The following KANSL1 variants were observed in gnomAD, a reference collection of about 807,000 sequenced individuals.
The protein encoded by KANSL1 is KAT8 regulatory NSL complex subunit 1.
A neutral mutation model predicts 103.6 loss-of-function variants in KANSL1; 22 were observed. That is an observed-to-expected ratio of 0.21 (90% CI 0.15 to 0.30). The LOEUF is 0.30. Ranked by LOEUF, KANSL1 falls within the 10% of genes least tolerant of loss-of-function variation. The probability of loss-of-function intolerance (pLI) is 1.00; values close to 1 mark genes in which losing one functional copy is unlikely to be tolerated. For synonymous variants in KANSL1, 600 were observed against 527.6 expected (o/e 1.14, Z -1.88); for missense variants, 1,337 against 1,399.8 (o/e 0.96, Z 0.72).
rs370357925 is a variant in KANSL1 at position 46,087,709 on chromosome 17, T to C, written c.1432-5167A>G. Among the ~76,000 whole-genome samples the C allele has an allele frequency of 1.1e-4, 16 of 152,268 alleles. No individual in the cohort carries two copies. The East Asian group carries it at 2.1e-3, about 20-fold the overall frequency. ...TAATTACTTAACATTCCCCAAAATA[T>C]ATTTAATATATTTTGAGCTATACTT... is the stretch of plus-strand genomic sequence containing the variant. On this transcript the variant is annotated intron_variant, in intron 3 of 14. Transcript: ENST00000432791.
chr17:46,196,368 G>T, upstream of KANSL1: 1 of 456,348 alleles, frequency 2.2e-6, no homozygotes, highest in Non-Finnish European at 4.4e-6. Flanking sequence ...GATTGGTTAG[G>T]AATGGCCATG....
chr17:46,129,450 G>A (rs914862913), intron 2 of KANSL1, among the ~76,000 whole-genome samples: 1 of 152,210 alleles, frequency 6.6e-6, no homozygotes, highest in African/African-American at 2.4e-5. Context: ...ATAAATCACA[G>A]TATCTCAGCA....
intron 2 of KANSL1, chr17:46,156,737 G>GA (rs1457593054): frequency 1.3e-5 from 2 of 152,440 alleles, no homozygotes; most frequent in Non-Finnish European, 2.9e-5. Flanking sequence ...TCTTTTACTT[G>GA]AAAGTGGAGG....
At position 46,193,356 on chromosome 17, in the gene KANSL1, T is replaced by TGGC. The variant is rs778768994; in HGVS notation, c.-626_-624dup. The TGGC allele has an allele frequency of 1.9e-5, 3 of 156,918 alleles. No individual in the cohort carries two copies. Among genetic ancestry groups the TGGC allele is most frequent in the South Asian group, 2.0e-4 (1 of 5,050 alleles). The allele number at this position is 156,918 out of a possible 1,614,324, so 9.7% of individuals were successfully genotyped here. A position where few individuals can be genotyped will look rare whatever the true frequency, so the allele number is the denominator to read the frequency against. On this transcript the variant is annotated 5_prime_UTR_variant, in exon 1 of 15. Coordinates refer to ENST00000432791, the MANE Select transcript of KANSL1 (RefSeq NM_015443.4). ...CCGGCTCGGCGAGCGGTGGCGGCGG[T>TGGC]GGCGGCGGCACTGGGAAAATGGCGG...
chr17:46,114,335 G>A (rs144442307), intron 2 of KANSL1, among the ~76,000 whole-genome samples: 1,950 of 151,766 alleles, frequency 0.013, 9 homozygotes, highest in Middle Eastern at 0.031. Flanking sequence ...CTCCAGCCTG[G>A]GCAACAGCGA....
chr17:46,224,018 G>T (rs1439579473), upstream of KANSL1, among the ~76,000 whole-genome samples: 1 of 151,710 alleles, frequency 6.6e-6, no homozygotes, highest in Non-Finnish European at 1.5e-5. Context: ...TATGTAACAC[G>T]TATTTTAGAT....
chr17:46,064,158 G>T (rs895007196), intron 6 of KANSL1, among the ~76,000 whole-genome samples: 1 of 151,536 alleles, frequency 6.6e-6, no homozygotes, highest in African/African-American at 2.4e-5. Flanking sequence ...GATATTTCAG[G>T]TAGAGTCCGA....
intron 2 of KANSL1, among the ~76,000 whole-genome samples, chr17:46,108,478 C>T (rs2042664229): frequency 6.6e-6 from 1 of 152,208 alleles, no homozygotes; most frequent in Non-Finnish European, 1.5e-5. Flanking sequence ...CGCTTCCTGG[C>T]TTTATTAATA....
chr17:46,085,256 T>A (rs1319905181), intron 3 of KANSL1, among the ~76,000 whole-genome samples: 1 of 152,228 alleles, frequency 6.6e-6, no homozygotes, highest in South Asian at 2.1e-4. Flanking sequence ...TCTTTATTTA[T>A]ACTCATTTTT....
Position 46,207,240 on chromosome 17 carries a change from G to A in KANSL1, c.-90+16431C>T, listed in dbSNP as rs148094109. On this transcript the variant is annotated intron_variant, in intron 1 of 14. Coordinates refer to the KANSL1 transcript ENST00000572904. ...CAGAAACTATGATTGGGCCGGGTGC[G>A]GTGGCTCACGCCTGTAATCCTAGCA... 3.4e-4 allele frequency among the ~76,000 whole-genome samples: 52 copies of A among 152,302 alleles called. No homozygotes were observed. The East Asian group carries it at 7.7e-3, about 23-fold the overall frequency.
chr17:46,178,727 T>TG lies in KANSL1; in HGVS notation c.-89-6496dup, dbSNP rs528888582. 1.1e-4 allele frequency among the ~76,000 whole-genome samples: 16 copies of TG among 152,374 alleles called. No homozygotes were observed. The South Asian group carries it at 3.1e-3, about 30-fold the overall frequency. ...ATACATTTCGGAAAAACTTCCCAGATGGAGACTCACAACGTATTGCATCAT... is the reference window on the plus strand; with the variant it reads ...ATACATTTCGGAAAAACTTCCCAGATGGGAGACTCACAACGTATTGCATCAT... On this transcript the variant is annotated intron_variant, in intron 1 of 14. Coordinates refer to ENST00000432791, the MANE Select transcript of KANSL1 (RefSeq NM_015443.4).
intron 3 of KANSL1, among the ~76,000 whole-genome samples, chr17:46,087,650 T>C (rs188069575): frequency 3.0e-3 from 463 of 152,286 alleles, no homozygotes; most frequent in Non-Finnish European, 4.2e-3. Context: ...CTGAAGAGAC[T>C]GATGAAAGTG....
chr17:46,036,541 G>A, intron 10 of KANSL1, among the ~76,000 whole-genome samples: 1 of 152,120 alleles, frequency 6.6e-6, no homozygotes, highest in Admixed American at 6.5e-5. Context: ...TCAGTAATCT[G>A]GAGATGATTT....
chr17:46,092,997 C>T (rs1257732679), intron 3 of KANSL1: 1 of 152,140 alleles, frequency 6.6e-6, no homozygotes, highest in Admixed American at 6.5e-5. Context: ...AACATATACA[C>T]ATATATAAAC....
intron 2 of KANSL1, among the ~76,000 whole-genome samples, chr17:46,153,291 C>T (rs1010758306): frequency 6.6e-5 from 10 of 152,108 alleles, no homozygotes; most frequent in Non-Finnish European, 1.3e-4. Flanking sequence ...CTGGAAGAGC[C>T]CTCTTTAAAT....
Position 46,058,741 on chromosome 17 carries a change from A to T in KANSL1, c.1848+7796T>A, listed in dbSNP as rs951212420. Among the ~76,000 whole-genome samples the T allele has an allele frequency of 2.5e-3, 181 of 73,470 alleles. 2 individuals carry two copies. In the East Asian group the frequency reaches 0.035, roughly 14 times the overall value. The allele number at this position is 73,470 out of a possible 152,430, so 48.2% of individuals were successfully genotyped here. A position where few individuals can be genotyped will look rare whatever the true frequency, so the allele number is the denominator to read the frequency against. On this transcript the variant is annotated intron_variant, in intron 6 of 14. Coordinates refer to ENST00000432791, the MANE Select transcript of KANSL1 (RefSeq NM_015443.4). ...CACACACACACACACACACACACAC[A>T]CACTCTCTCTCTCTCTCTCTCTCTC...
intron 13 of KANSL1, among the ~76,000 whole-genome samples, chr17:46,032,722 C>G (rs1241733817): frequency 2.0e-5 from 3 of 152,136 alleles, no homozygotes; most frequent in African/African-American, 7.2e-5. Flanking sequence ...CTTCAAGTGG[C>G]ATCACAAAGC....
At chr17:46,142,982 G>A (rs2044502033) in intron 2 of KANSL1, among the ~76,000 whole-genome samples, 1 of 152,180 alleles carries the variant, frequency 6.6e-6, no homozygotes, top group Non-Finnish European at 1.5e-5. Flanking sequence ...TATAGTAAAG[G>A]AATTAACTTA....
At chr17:46,069,588 T>C (rs1360941207) in intron 4 of KANSL1, among the ~76,000 whole-genome samples, 1 of 151,816 alleles carries the variant, frequency 6.6e-6, no homozygotes, top group Non-Finnish European at 1.5e-5. Context: ...CTACTAAAAA[T>C]ACAAAATTAG....
Sources: allele counts gnomAD v4.1 joint callset (sites outside exome capture counted in the v4.1 genomes callset), GRCh38; gene constraint gnomAD v4.1.1; transcripts MANE v1.5; gene names NCBI Gene and HGNC (gene_info 2026-07-23, HGNC 2026-07-21).